REC114: variants seen among roughly 807,000 people sequenced by gnomAD.
REC114 encodes meiotic recombination protein REC114.
Under a neutral mutation model 31.3 loss-of-function variants are expected in REC114, and 27 were observed. The observed-to-expected ratio is 0.86, with a 90% CI of 0.64 to 1.19. The LOEUF is 1.19. Ranked by LOEUF, REC114 falls within the 50% of genes most tolerant of loss-of-function variation. The pLI, the probability that REC114 is intolerant of heterozygous loss-of-function variation, is 0.00. For synonymous variants in REC114, 134 were observed against 127.7 expected, an observed-to-expected ratio of 1.05 and a Z score of -0.33; for missense variants, 344 against 326.9, an observed-to-expected ratio of 1.05 and a Z score of -0.40.
At chr15:73,520,110 T>G (rs767228869) in intron 2 of REC114, among the ~76,000 whole-genome samples, 10 of 152,230 alleles carry the variant, frequency 6.6e-5, no homozygotes, top group Non-Finnish European at 1.5e-4. Flanking sequence ...ATGGTAAAGA[T>G]AGTTTTATAT....
intron 2 of REC114, among the ~76,000 whole-genome samples, chr15:73,522,082 A>G (rs1226786182): frequency 6.6e-6 from 1 of 152,060 alleles, no homozygotes; most frequent in East Asian, 1.9e-4. Context: ...TTTTGATATG[A>G]ATTTTTAGCT....
chr15:73,456,597 T>C (rs1183020801), intron 1 of REC114, among the ~76,000 whole-genome samples: 1 of 152,202 alleles, frequency 6.6e-6, no homozygotes, highest in African/African-American at 2.4e-5. Flanking sequence ...TAATTTTCCT[T>C]ATGATAATGT....
At position 73,455,084 on chromosome 15, in the gene REC114, C is replaced by T. The variant is rs144040016; in HGVS notation, c.159+11740C>T. ...TGAATCTGTGCCGAACCATCCTACC[C>T]GCTGTGATCAGTTTCAGCCTAGGTC... On this transcript the variant is annotated intron_variant, in intron 1 of 5. Coordinates refer to ENST00000331090, the MANE Select transcript of REC114 (RefSeq NM_001042367.2). Among the ~76,000 whole-genome samples the T allele has an allele frequency of 8.2e-4, 125 of 152,172 alleles. 1 individual carries two copies. The highest frequency in any genetic ancestry group is 1.4e-3 in the Non-Finnish European group (97 of 68,014).
At chr15:73,516,143 G>C (rs1893855701) in intron 2 of REC114, among the ~76,000 whole-genome samples, 1 of 151,838 alleles carries the variant, frequency 6.6e-6, no homozygotes. Context: ...CTGCCACCAG[G>C]CCCAGCTAAT....
chr15:73,462,994 A>G (rs1401592704), intron 1 of REC114, among the ~76,000 whole-genome samples: 1 of 152,060 alleles, frequency 6.6e-6, no homozygotes, highest in Non-Finnish European at 1.5e-5. Context: ...CAGACATGAT[A>G]TCATTTCATC....
intron 2 of REC114, among the ~76,000 whole-genome samples, chr15:73,537,477 G>A (rs1595880460): frequency 6.7e-6 from 1 of 148,666 alleles, no homozygotes; most frequent in Non-Finnish European, 1.5e-5. Context: ...ATGCCATATT[G>A]TAGTGGGTAT....
At chr15:73,537,086 T>C (rs578129763) in intron 2 of REC114, among the ~76,000 whole-genome samples, 1 of 152,248 alleles carries the variant, frequency 6.6e-6, no homozygotes, top group Non-Finnish European at 1.5e-5. Context: ...AGCACTATAA[T>C]AGGTGCTATA....
chr15:73,446,834 C>T (rs1355253414), intron 1 of REC114, among the ~76,000 whole-genome samples: 2 of 152,100 alleles, frequency 1.3e-5, no homozygotes, highest in East Asian at 1.9e-4. Context: ...GGGAAGCCAC[C>T]GAACAGTTTT....
At chr15:73,448,084 T>G (rs1433713256) in intron 1 of REC114, among the ~76,000 whole-genome samples, 2 of 150,526 alleles carry the variant, frequency 1.3e-5, no homozygotes, top group East Asian at 3.9e-4. Flanking sequence ...CTGAGCTAGC[T>G]GCAGGAGTTT....
chr15:73,525,070 TG>T (rs2141321860), intron 2 of REC114, among the ~76,000 whole-genome samples: 1 of 152,326 alleles, frequency 6.6e-6, no homozygotes, highest in East Asian at 1.9e-4. Flanking sequence ...AGAGGAGATG[TG>T]GATCAGTCAA....
At chr15:73,551,823 GTATT>G (rs1231237902) in intron 4 of REC114, among the ~76,000 whole-genome samples, 23 of 152,134 alleles carry the variant, frequency 1.5e-4, no homozygotes, top group African/African-American at 5.6e-4. Flanking sequence ...ACAACTGATA[GTATT>G]TATTGAAAAT....
rs530851920 is a variant in REC114 at position 73,551,194 on chromosome 15, C to T, written c.546+44C>T. On this transcript the variant is annotated intron_variant, in intron 4 of 5. Coordinates refer to ENST00000331090, the MANE Select transcript of REC114 (RefSeq NM_001042367.2). ...TGGTTATACAGGAAACATGACAATG[C>T]AGTGCACAATGAGTGGCCAAAATGA... The T allele has an allele frequency of 1.2e-5, 19 of 1,531,916 alleles. No homozygotes were observed. In the East Asian group the frequency reaches 3.4e-4, roughly 27 times the overall value. The allele number at this position is 1,531,916 out of a possible 1,614,324, so 94.9% of individuals were successfully genotyped here. A position where few individuals can be genotyped will look rare whatever the true frequency, so the allele number is the denominator to read the frequency against.
At chr15:73,523,103 T>A (rs1042712567) in intron 2 of REC114, among the ~76,000 whole-genome samples, 1 of 152,174 alleles carries the variant, frequency 6.6e-6, no homozygotes, top group Non-Finnish European at 1.5e-5. Context: ...ATATTTTGCC[T>A]ATTGAGTTGT....
intron 2 of REC114, among the ~76,000 whole-genome samples, chr15:73,487,210 C>T (rs1411102370): frequency 1.3e-5 from 2 of 152,116 alleles, no homozygotes; most frequent in Non-Finnish European, 2.9e-5. Context: ...CCCCTGTTCC[C>T]AAAATTCTTG....
At chr15:73,546,590 TAC>T (rs562237112) in intron 3 of REC114, among the ~76,000 whole-genome samples, 59 of 152,296 alleles carry the variant, frequency 3.9e-4, no homozygotes, top group African/African-American at 1.3e-3. Flanking sequence ...ATTTTACATA[TAC>T]ACACACAATA....
At position 73,550,988 on chromosome 15, in the gene REC114, G is replaced by C; in HGVS notation, c.384G>C (p.Gln128His). ...RVQFSGESKE[Q>H]ALEHCCSCVQ... is the part of the protein sequence containing the mutation. ...AGTTCAGTGGAGAGTCAAAGGAGCA[G>C]GCGCTGGAACACTGCTGCAGTTGTG... The change falls in exon 4 of 6, where the codon CAG (glutamine) becomes CAC (histidine). Residue 128 changes from glutamine (Q) to histidine (H), a missense_variant. By Grantham distance (24) the Gln-to-His change is conservative. Transcript: ENST00000331090. 1 of 1,613,912 alleles carries C rather than the reference G, an allele frequency of 6.2e-7. No individual in the cohort carries two copies. Among genetic ancestry groups the C allele is most frequent in the South Asian group, 1.1e-5 (1 of 91,082 alleles).
chr15:73,508,127 T>C (rs1293319885), intron 2 of REC114, among the ~76,000 whole-genome samples: 1 of 152,186 alleles, frequency 6.6e-6, no homozygotes, highest in East Asian at 1.9e-4. Flanking sequence ...CTCTCTGAGG[T>C]CAGAGATTAT....
intron 2 of REC114, among the ~76,000 whole-genome samples, chr15:73,530,621 C>G (rs1894066033): frequency 6.6e-6 from 1 of 152,284 alleles, no homozygotes; most frequent in East Asian, 1.9e-4. Context: ...GCACTCCATC[C>G]TTGGCAACAG....
rs555681526 is a variant in REC114 at position 73,446,579 on chromosome 15, G to A, written c.159+3235G>A. Among the ~76,000 whole-genome samples the A allele has an allele frequency of 5.9e-4, 90 of 151,952 alleles. 2 individuals are homozygous for A. Among genetic ancestry groups the A allele is most frequent in the Non-Finnish European group, 2.5e-4 (17 of 67,998 alleles). On this transcript the variant is annotated intron_variant, in intron 1 of 5. Transcript: ENST00000331090. Reference sequence around the variant, plus strand: ...CACTTGAACCTGGGAGGCTGAGGTTGCAGTGAGCTGAGATCGTGGCACTGC... The same window carrying A: ...CACTTGAACCTGGGAGGCTGAGGTTACAGTGAGCTGAGATCGTGGCACTGC...
Sources: gnomAD v4.1 joint callset for allele counts (sites outside exome capture counted in the v4.1 genomes callset) on GRCh38, gnomAD v4.1.1 for gene constraint, MANE v1.5 for transcripts, NCBI Gene and HGNC (gene_info 2026-07-23, HGNC 2026-07-21) for gene names.